The following RPS29 variants were observed in gnomAD, a reference collection of about 807,000 sequenced individuals.
RPS29 encodes ribosomal protein S29.
For synonymous variants in RPS29, 37 were observed against 26.9 expected, an observed-to-expected ratio of 1.37 and a Z score of -1.16; for missense variants, 60 against 75.7, an observed-to-expected ratio of 0.79 and a Z score of 0.77.
At chr14:49,585,044 T>C (rs915293758) in intron 2 of RPS29, among the ~76,000 whole-genome samples, 1 of 151,986 alleles carries the variant, frequency 6.6e-6, no homozygotes, top group Non-Finnish European at 1.5e-5. Context: ...GGCCCCAAAC[T>C]TTAAGTTCAT....
At chr14:49,574,563 T>C (rs1289420386) in exon 3 of RPS29, 2 of 152,348 alleles carry the variant, frequency 1.3e-5, no homozygotes, top group African/African-American at 4.8e-5. Flanking sequence ...CACCAGTCTC[T>C]TTCTCTCCCT....
chr14:49,598,705 C>A (rs1021569675), upstream of RPS29: 5 of 699,706 alleles, frequency 7.1e-6, no homozygotes, highest in South Asian at 4.5e-5. Flanking sequence ...ACAACCACCG[C>A]TGCCAGCTGC....
At chr14:49,576,437 T>C (rs1422840713) in exon 3 of RPS29, 1 of 152,156 alleles carries the variant, frequency 6.6e-6, no homozygotes, top group Admixed American at 6.5e-5. Flanking sequence ...TTGAGGAAAT[T>C]AAAACACTTT....
intron 1 of RPS29, chr14:49,597,444 T>C (rs1197445367): frequency 6.6e-6 from 1 of 152,196 alleles, no homozygotes; most frequent in Non-Finnish European, 1.5e-5. Context: ...GTCCATTTAA[T>C]GTACTTGTAA....
downstream of RPS29, among the ~76,000 whole-genome samples, chr14:49,583,372 A>G (rs1306409663): frequency 6.6e-6 from 1 of 152,128 alleles, no homozygotes; most frequent in Non-Finnish European, 1.5e-5. Context: ...AACATGGTGA[A>G]ACCCCCATCT....
exon 3 of RPS29, chr14:49,577,696 G>GT: frequency 1.2e-6 from 1 of 848,664 alleles, no homozygotes; most frequent in South Asian, 1.4e-5. Flanking sequence ...GTTTCCACCA[G>GT]TTACCCTTAA....
At chr14:49,592,406 T>C (rs1287832150) in intron 1 of RPS29, 1 of 149,194 alleles carries the variant, frequency 6.7e-6, no homozygotes, top group African/African-American at 2.5e-5. Context: ...TCACTCTTGT[T>C]GCCCAGGCTG....
chr14:49,579,689 T>A (rs1193451999), downstream of RPS29, among the ~76,000 whole-genome samples: 1 of 152,232 alleles, frequency 6.6e-6, no homozygotes, highest in South Asian at 2.1e-4. Flanking sequence ...GACCTATTAA[T>A]CTACAAGGCA....
At chr14:49,586,589 G>A (rs1410322653), upstream of RPS29, 6 of 534,190 alleles carry the variant, frequency 1.1e-5, no homozygotes, top group East Asian at 3.2e-5. Flanking sequence ...CGCCGGGCGC[G>A]GTGGCGCGTG....
At chr14:49,595,256 T>C (rs1162500448) in intron 1 of RPS29, among the ~76,000 whole-genome samples, 1 of 151,962 alleles carries the variant, frequency 6.6e-6, no homozygotes, top group Non-Finnish European at 1.5e-5. Context: ...GGCAAGCAAG[T>C]CTACACTGTC....
At chr14:49,598,680 C>A in exon 1 of RPS29, 1 of 700,372 alleles carries the variant, frequency 1.4e-6, no homozygotes, top group Non-Finnish European at 2.6e-6. Context: ...CCCTCGGAAT[C>A]CTCCCCGAAC....
intron 2 of RPS29, chr14:49,585,550 T>C (rs1342245018): frequency 3.7e-6 from 1 of 273,402 alleles, no homozygotes; most frequent in Non-Finnish European, 6.8e-6. Flanking sequence ...GCCACTGCAC[T>C]TCAACCTGGG....
At chr14:49,582,714 C>T (rs1355580194), downstream of RPS29, among the ~76,000 whole-genome samples, 1 of 152,206 alleles carries the variant, frequency 6.6e-6, no homozygotes, top group African/African-American at 2.4e-5. Context: ...ATTCAGGAGG[C>T]ACAGGGTATA....
chr14:49,593,716 A>AAAAG (rs11373559), intron 1 of RPS29, among the ~76,000 whole-genome samples: 42 of 148,698 alleles, frequency 2.8e-4, no homozygotes, highest in African/African-American at 9.9e-4. Context: ...AAAAAAAAAA[A>AAAAG]GACGTTTTAA....
chr14:49,585,727 G>C (rs1019463805), intron 2 of RPS29: 3 of 536,160 alleles, frequency 5.6e-6, no homozygotes, highest in Admixed American at 3.3e-5. Flanking sequence ...GTAAAAAAGG[G>C]AGTAGGAAAG....
intron 2 of RPS29, 114 bp downstream of exon 2, chr14:49,585,836 G>T (rs1218856864): frequency 5.2e-6 from 4 of 764,244 alleles, no homozygotes; most frequent in Non-Finnish European, 8.9e-6. Context: ...GCTCTTGGTC[G>T]AATGCTCAGA....
chr14:49,572,047 T>A (rs1881068511), exon 3 of RPS29: 1 of 152,208 alleles, frequency 6.6e-6, no homozygotes, highest in African/African-American at 2.4e-5. Flanking sequence ...GCCTCCCAGG[T>A]TCAAGCGATT....
chr14:49,571,782 G>A (rs750952237), exon 3 of RPS29: 12 of 152,170 alleles, frequency 7.9e-5, no homozygotes, highest in African/African-American at 1.4e-4. Context: ...CGCATCCAGC[G>A]CCCTCCTAGA....
chr14:49,587,179 A>G (rs569791111), upstream of RPS29, among the ~76,000 whole-genome samples: 2 of 152,216 alleles, frequency 1.3e-5, no homozygotes, highest in Non-Finnish European at 2.9e-5. Context: ...AAAAAAAATG[A>G]GATTCTTTGG....
Sources: allele counts gnomAD v4.1 joint callset (sites outside exome capture counted in the v4.1 genomes callset), GRCh38; gene constraint gnomAD v4.1.1; transcripts MANE v1.5; gene names NCBI Gene and HGNC (gene_info 2026-07-23, HGNC 2026-07-21).